KSR1: variants seen among roughly 807,000 people sequenced by gnomAD.
KSR1 encodes kinase suppressor of ras 1, also known as kinase suppressor of ras.
KSR1 carries 35 observed loss-of-function variants against 92.9 expected under a neutral mutation model. The observed-to-expected ratio is 0.38, with a 90% CI of 0.29 to 0.50. The LOEUF (loss-of-function observed/expected upper bound fraction) is 0.50. KSR1 is among the 20% of genes least tolerant of loss of function. KSR1 has a pLI of 0.94. For synonymous variants in KSR1, 467 were observed against 472.6 expected (o/e 0.99, Z 0.15); for missense variants, 972 against 1,158.5 (o/e 0.84, Z 2.34).
At chr17:27,491,142 G>A (rs564438902) in intron 1 of KSR1, among the ~76,000 whole-genome samples, 4 of 152,094 alleles carry the variant, frequency 2.6e-5, no homozygotes, top group Admixed American at 2.6e-4. Flanking sequence ...TTTTTTAGAG[G>A]TGGAGTCTCA....
chr17:27,618,947 C>T (rs1340065763), intron 19 of KSR1, among the ~76,000 whole-genome samples: 3 of 152,208 alleles, frequency 2.0e-5, no homozygotes, highest in Non-Finnish European at 4.4e-5. Flanking sequence ...GCTCTTGCCT[C>T]GGCCTCCCAA....
Position 27,608,035 on chromosome 17 carries a change from G to A in KSR1, c.2091+25G>A, listed in dbSNP as rs530989952. On this transcript the variant is annotated intron_variant, in intron 15 of 20. Coordinates refer to ENST00000644974, the MANE Select transcript of KSR1 (RefSeq NM_001394583.1). ...GGTGAGGGGGTGCCCAGCTGCTGGG[G>A]GTGGGTTTCTGGCCGGTTCCAGGGC... 18 of 1,560,458 alleles carry A rather than the reference G, an allele frequency of 1.2e-5. No homozygotes were observed. In the East Asian group the frequency reaches 3.7e-4, roughly 32 times the overall value.
chr17:27,608,696 C>T (rs1002066266), intron 15 of KSR1, among the ~76,000 whole-genome samples: 2 of 152,286 alleles, frequency 1.3e-5, no homozygotes, highest in Non-Finnish European at 1.5e-5. Context: ...GCTCCTTCTA[C>T]TACAGCTCAG....
intron 20 of KSR1, chr17:27,622,847 C>G (rs1331585221): frequency 5.1e-6 from 1 of 194,912 alleles, no homozygotes; most frequent in Non-Finnish European, 1.0e-5. Flanking sequence ...GAACCCAGAT[C>G]TCTGGAATGG....
intron 20 of KSR1, chr17:27,622,320 C>G (rs1180926880): frequency 2.1e-5 from 5 of 234,256 alleles, no homozygotes; most frequent in Non-Finnish European, 4.1e-5. Context: ...TTCCACCCTC[C>G]TGAGCACACC....
At chr17:27,611,190 T>G in intron 17 of KSR1, 1 of 355,174 alleles carries the variant, frequency 2.8e-6, no homozygotes, top group African/African-American at 2.1e-5. Context: ...GGTGAAGCAG[T>G]TTTACTGGGA....
At chr17:27,502,784 C>G (rs1210297613) in intron 1 of KSR1, among the ~76,000 whole-genome samples, 1 of 152,248 alleles carries the variant, frequency 6.6e-6, no homozygotes, top group Non-Finnish European at 1.5e-5. Flanking sequence ...CTGCAGCAGC[C>G]TTCCAGCGTT....
At position 27,577,583 on chromosome 17, in the gene KSR1, A is replaced by T. The variant is rs903853370; in HGVS notation, c.464A>T (p.Asp155Val). Residue 155 changes from aspartate (D) to valine (V), a missense_variant, in exon 3 of 21, where the codon GAT (aspartate) becomes GTT (valine). By Grantham distance (152) the Asp-to-Val change is radical (BLOSUM62 -3). Coordinates refer to ENST00000644974, the MANE Select transcript of KSR1 (RefSeq NM_001394583.1). The surrounding 1 kb of genome is among the most constrained non-coding windows in gnomAD (Gnocchi z 4.5). ...CTGCGGCGCTGTGGGGCCAGCGGGG[A>T]TGAGTGTGGCCGTCTGCAGTATGCC... ...ETLRRCGASG[D>V]ECGRLQYALT... 2 of 1,603,336 alleles carry T rather than the reference A, an allele frequency of 1.2e-6. No individual in the cohort carries two copies. Among genetic ancestry groups the T allele is most frequent in the Non-Finnish European group, 1.7e-6 (2 of 1,178,252 alleles).
intron 6 of KSR1, 24 bp from the exon 7 acceptor site, chr17:27,590,787 T>C: frequency 2.5e-6 from 4 of 1,600,084 alleles, no homozygotes; most frequent in South Asian, 2.3e-5. Flanking sequence ...GGTGCAAACA[T>C]GTGCCTGTGT....
chr17:27,607,802 GGAGA>G (rs2073801942), intron 14 of KSR1, 108 bp from the exon 15 acceptor site: 20 of 771,160 alleles, frequency 2.6e-5, no homozygotes, highest in South Asian at 6.6e-5. Flanking sequence ...TCGAGGGGCT[GGAGA>G]GAGTCCTTGC....
chr17:27,521,268 G>A (rs2070018385), intron 1 of KSR1, among the ~76,000 whole-genome samples: 1 of 151,946 alleles, frequency 6.6e-6, no homozygotes, highest in African/African-American at 2.4e-5. Flanking sequence ...TGAAAGGACT[G>A]CTCAGGAGTT....
intron 14 of KSR1, 123 bp downstream of exon 14, chr17:27,605,936 CA>C (rs2073738374): frequency 1.6e-6 from 2 of 1,224,848 alleles, no homozygotes; most frequent in Non-Finnish European, 2.3e-6. Flanking sequence ...AGAAGAAAAC[CA>C]AAAATGGGGT....
intron 1 of KSR1, among the ~76,000 whole-genome samples, chr17:27,529,076 T>A (rs905026652): frequency 6.6e-6 from 1 of 152,184 alleles, no homozygotes; most frequent in Non-Finnish European, 1.5e-5. Flanking sequence ...AATAAAACTT[T>A]CCAGTGTTTA....
At chr17:27,602,716 C>T (rs1340657204) in intron 11 of KSR1, among the ~76,000 whole-genome samples, 1 of 152,172 alleles carries the variant, frequency 6.6e-6, no homozygotes, top group Non-Finnish European at 1.5e-5. Context: ...CAGGCCCCTG[C>T]TGGTAGTCTG....
chr17:27,621,790 C>T, intron 20 of KSR1: 1 of 744,872 alleles, frequency 1.3e-6, no homozygotes, highest in Non-Finnish European at 2.3e-6. Context: ...GGATGGAGTC[C>T]AGGATGGCCC....
At chr17:27,599,428 A>G (rs1477770432) in intron 10 of KSR1, among the ~76,000 whole-genome samples, 1 of 152,226 alleles carries the variant, frequency 6.6e-6, no homozygotes, top group African/African-American at 2.4e-5. Flanking sequence ...GTGGTGGCAC[A>G]TACCTGTAGT....
At chr17:27,558,649 C>T (rs2071702087) in intron 2 of KSR1, among the ~76,000 whole-genome samples, 1 of 151,956 alleles carries the variant, frequency 6.6e-6, no homozygotes, top group African/African-American at 2.4e-5. Flanking sequence ...TCAGGGATGC[C>T]AGACTTGAAA....
chr17:27,506,236 G>A (rs1019622898), intron 1 of KSR1, among the ~76,000 whole-genome samples: 2 of 152,144 alleles, frequency 1.3e-5, no homozygotes, highest in Admixed American at 6.5e-5. Flanking sequence ...GGCTCAGTGT[G>A]GCCTTGGCCC....
rs1056394947 is a variant in KSR1 at position 27,487,350 on chromosome 17, G to A, written c.231+30476G>A. Among the ~76,000 whole-genome samples, 5 of 152,156 alleles carry A rather than the reference G, an allele frequency of 3.3e-5. 1 individual carries two copies. The highest frequency in any genetic ancestry group is 2.0e-4 in the Admixed American group (3 of 15,276). The stretch of plus-strand genomic sequence containing the variant: ...CTCGGGAGGCTGAGGAAGGAGAATC[G>A]CTCGAACCTGGGAGGTGGAGGTTGC... On this transcript the variant is annotated intron_variant, in intron 1 of 20. Coordinates refer to ENST00000644974, the MANE Select transcript of KSR1 (RefSeq NM_001394583.1).
Sources: allele counts gnomAD v4.1 joint callset (sites outside exome capture counted in the v4.1 genomes callset), GRCh38; gene constraint gnomAD v4.1.1; non-coding constraint Gnocchi (gnomAD v3.1); transcripts MANE v1.5; gene names NCBI Gene and HGNC (gene_info 2026-07-23, HGNC 2026-07-21).